KCTD8: variants seen among roughly 807,000 people sequenced by gnomAD.
KCTD8 encodes BTB/POZ domain-containing protein KCTD8.
KCTD8 carries 27 observed loss-of-function variants against 31.5 expected under a neutral mutation model. The ratio of observed to expected loss-of-function variants is 0.86; its 90% CI spans 0.63 to 1.18. The LOEUF (loss-of-function observed/expected upper bound fraction) is 1.18, where lower values mean the gene tolerates loss of function less well. Among genes scored for constraint, KCTD8 ranks in the 50% most tolerant of loss-of-function variants. The pLI, the probability that KCTD8 is intolerant of heterozygous loss-of-function variation, is 0.00. For synonymous variants in KCTD8, 290 were observed against 280.0 expected (o/e 1.04, Z -0.36); for missense variants, 658 against 647.7 (o/e 1.02, Z -0.17).
intron 1 of KCTD8, among the ~76,000 whole-genome samples, chr4:44,251,236 G>A (rs940379718): frequency 6.6e-6 from 1 of 151,562 alleles, no homozygotes; most frequent in East Asian, 1.9e-4. Flanking sequence ...ACACCTTTTA[G>A]TAAGTCTTAC....
intron 1 of KCTD8, among the ~76,000 whole-genome samples, chr4:44,357,105 C>T (rs62306870): frequency 6.7e-6 from 1 of 149,352 alleles, no homozygotes; most frequent in African/African-American, 2.5e-5. Flanking sequence ...AAAAAAAACC[C>T]TTCAAAACAA....
intron 1 of KCTD8, among the ~76,000 whole-genome samples, chr4:44,256,358 A>G (rs986146188): frequency 6.6e-6 from 1 of 152,030 alleles, no homozygotes; most frequent in Non-Finnish European, 1.5e-5. Context: ...ATGACAAAGA[A>G]TTTGTATTTG....
intron 1 of KCTD8, among the ~76,000 whole-genome samples, chr4:44,384,419 G>T (rs1021307897): frequency 6.6e-6 from 1 of 151,830 alleles, no homozygotes; most frequent in African/African-American, 2.4e-5. Flanking sequence ...ACAGATAAAT[G>T]CTTTTTAAAA....
At chr4:44,411,518 T>A (rs766838670) in intron 1 of KCTD8, among the ~76,000 whole-genome samples, 9 of 151,976 alleles carry the variant, frequency 5.9e-5, no homozygotes, top group Non-Finnish European at 1.0e-4. Flanking sequence ...TAAAAATGAA[T>A]GTATGTTTTT....
chr4:44,340,425 A>C (rs923962850), intron 1 of KCTD8, among the ~76,000 whole-genome samples: 1 of 150,758 alleles, frequency 6.6e-6, no homozygotes, highest in Non-Finnish European at 1.5e-5. Context: ...CAGTCTCCCG[A>C]GTAGCTGGGA....
At chr4:44,233,457 T>G (rs1715181132) in intron 1 of KCTD8, among the ~76,000 whole-genome samples, 1 of 152,168 alleles carries the variant, frequency 6.6e-6, no homozygotes, top group Admixed American at 6.5e-5. Context: ...TTCCATGGGG[T>G]TTGTTTACCA....
chr4:44,296,896 G>C (rs1717452276), intron 1 of KCTD8, among the ~76,000 whole-genome samples: 1 of 151,840 alleles, frequency 6.6e-6, no homozygotes. Context: ...CATGTTACGT[G>C]AGGTCTAATC....
At chr4:44,244,585 T>C (rs1715597717) in intron 1 of KCTD8, among the ~76,000 whole-genome samples, 1 of 152,168 alleles carries the variant, frequency 6.6e-6, no homozygotes, top group Non-Finnish European at 1.5e-5. Context: ...AAATCCAGAA[T>C]GATTACCTAA....
intron 1 of KCTD8, among the ~76,000 whole-genome samples, chr4:44,202,184 T>C (rs1560393470): frequency 1.3e-5 from 2 of 152,154 alleles, no homozygotes; most frequent in African/African-American, 4.8e-5. Context: ...ACGTGTACAC[T>C]GTTGGCAGTA....
chr4:44,203,826 T>C (rs1560393861), intron 1 of KCTD8, among the ~76,000 whole-genome samples: 1 of 151,560 alleles, frequency 6.6e-6, no homozygotes, highest in Non-Finnish European at 1.5e-5. Context: ...TAAATAAATT[T>C]CAAATTAATA....
chr4:44,306,393 G>A lies in KCTD8; in HGVS notation c.962-131143C>T, dbSNP rs1717806875. Among the ~76,000 whole-genome samples the A allele has an allele frequency of 2.6e-5, 4 of 151,908 alleles. 1 individual carries two copies. The highest frequency in any genetic ancestry group is 4.1e-4 in the South Asian group (2 of 4,830). ...CAAAGTTCACATGGTTAGTAAGGTG[G>A]ATATTAAAATATATGTCTCTCAGAT... On this transcript the variant is annotated intron_variant, in intron 1 of 1. Coordinates refer to ENST00000360029, the MANE Select transcript of KCTD8 (RefSeq NM_198353.3).
chr4:44,404,241 G>A (rs1300125545), intron 1 of KCTD8, among the ~76,000 whole-genome samples: 9 of 152,162 alleles, frequency 5.9e-5, no homozygotes, highest in Non-Finnish European at 2.9e-5. Flanking sequence ...AGCTTTTTAA[G>A]TTCAAGAAAT....
intron 1 of KCTD8, among the ~76,000 whole-genome samples, chr4:44,325,843 T>C (rs769639830): frequency 2.0e-5 from 3 of 151,882 alleles, no homozygotes; most frequent in African/African-American, 4.8e-5. Flanking sequence ...ATCGAGCTAG[T>C]GTTATTAGGT....
chr4:44,335,730 C>T (rs367629962), intron 1 of KCTD8, among the ~76,000 whole-genome samples: 66 of 152,162 alleles, frequency 4.3e-4, no homozygotes, highest in African/African-American at 1.4e-3. Flanking sequence ...ACCTAAATAA[C>T]CCCTGTTATA....
At chr4:44,186,197 C>G (rs562905554) in intron 1 of KCTD8, among the ~76,000 whole-genome samples, 1 of 152,242 alleles carries the variant, frequency 6.6e-6, no homozygotes, top group East Asian at 1.9e-4. Flanking sequence ...AAGAGCACAC[C>G]GACAGGCACT....
intron 1 of KCTD8, among the ~76,000 whole-genome samples, chr4:44,423,432 A>T (rs748929018): frequency 1.1e-4 from 16 of 152,280 alleles, no homozygotes; most frequent in Non-Finnish European, 2.1e-4. Context: ...CTGTCAAGAT[A>T]TCAGAGAAAC....
intron 1 of KCTD8, among the ~76,000 whole-genome samples, chr4:44,179,765 A>T (rs1489084302): frequency 6.6e-6 from 1 of 151,918 alleles, no homozygotes; most frequent in African/African-American, 2.4e-5. Flanking sequence ...TTTAATTGCT[A>T]TCCATTTAAG....
intron 1 of KCTD8, among the ~76,000 whole-genome samples, chr4:44,380,720 G>T (rs1393981986): frequency 6.6e-6 from 1 of 151,650 alleles, no homozygotes; most frequent in Non-Finnish European, 1.5e-5. Flanking sequence ...AAATATTTAG[G>T]GTGTACATCA....
chr4:44,291,662 G>T (rs1372617624), intron 1 of KCTD8, among the ~76,000 whole-genome samples: 1 of 152,082 alleles, frequency 6.6e-6, no homozygotes, highest in Admixed American at 6.6e-5. Flanking sequence ...TACAGCAAGA[G>T]AAATGATCAA....
Sources: allele counts gnomAD v4.1 joint callset (sites outside exome capture counted in the v4.1 genomes callset), GRCh38; gene constraint gnomAD v4.1.1; transcripts MANE v1.5; gene names NCBI Gene and HGNC (gene_info 2026-07-23, HGNC 2026-07-21).